Variants in CHL1 observed in about 807,000 individuals in gnomAD.
CHL1 encodes the protein cell adhesion molecule L1 like.
Under a neutral mutation model 141.9 loss-of-function variants are expected in CHL1, and 96 were observed. The observed-to-expected ratio is 0.68, with a 90% CI of 0.57 to 0.80. The LOEUF (loss-of-function observed/expected upper bound fraction) is 0.80, where lower values mean the gene tolerates loss of function less well. CHL1 is among the 30% of genes least tolerant of loss of function. CHL1 has a pLI of 0.00. For missense variants in CHL1, 1,820 were observed against 1,457.2 expected (o/e 1.25, Z -4.05); for synonymous variants, 613 against 502.2 (o/e 1.22, Z -2.95).
rs1022860791 is a variant in CHL1, at chr3:341,898, A to G, written c.509-14A>G. 1 of 1,565,956 alleles carries G rather than the reference A, an allele frequency of 6.4e-7. No individual in the cohort carries two copies. Among genetic ancestry groups the G allele is most frequent in the Admixed American group, 1.7e-5 (1 of 57,596 alleles). On this transcript the variant is annotated splice_polypyrimidine_tract_variant and intron_variant, in intron 6 of 27. Coordinates refer to ENST00000256509, the MANE Select transcript of CHL1 (RefSeq NM_006614.4). ...GACAATTGCCCTTTTCAATGGCAAG[A>G]TATCTCTTTTCAGAATTAGAACACA...
intron 2 of CHL1, among the ~76,000 whole-genome samples, chr3:274,157 C>T (rs971860147): frequency 2.0e-5 from 3 of 152,090 alleles, no homozygotes; most frequent in Non-Finnish European, 4.4e-5. Flanking sequence ...ACATTTTTTT[C>T]CCTCCTTGAC....
chr3:336,415 G>A (rs1701867944), intron 5 of CHL1, among the ~76,000 whole-genome samples: 1 of 152,144 alleles, frequency 6.6e-6, no homozygotes, highest in Admixed American at 6.5e-5. Flanking sequence ...ATTGTATTTA[G>A]TTAAATTTCC....
chr3:322,669 T>TATA (rs1423039311), intron 3 of CHL1, among the ~76,000 whole-genome samples: 1 of 132,210 alleles, frequency 7.6e-6, no homozygotes, highest in Non-Finnish European at 1.6e-5. Context: ...TATATATATA[T>TATA]AATTATATAT....
At chr3:215,164 TAA>T (rs140688468) in intron 1 of CHL1, among the ~76,000 whole-genome samples, 10,834 of 152,234 alleles carry the variant, frequency 0.071, 444 homozygotes, top group Middle Eastern at 0.18. Context: ...AGAATCAACC[TAA>T]GTGTCCATCA....
At chr3:210,500 T>C (rs1403731581) in intron 1 of CHL1, among the ~76,000 whole-genome samples, 3 of 152,142 alleles carry the variant, frequency 2.0e-5, no homozygotes, top group South Asian at 4.1e-4. Context: ...CCTCTTTCTG[T>C]CCAAGTAGTC....
rs571211081 is a variant in CHL1 at position 259,338 on chromosome 3, G to A, written c.-95+14646G>A. Among the ~76,000 whole-genome samples, 208 of 151,948 alleles carry A rather than the reference G, an allele frequency of 1.4e-3. 1 individual carries two copies. The highest frequency in any genetic ancestry group is 4.7e-3 in the African/African-American group (193 of 41,420). ...TGTGTGCATGCGTGTGTGTGTGTGT[G>A]ATATAGTGGGGGTGGGGCAGGAGAT... On this transcript the variant is annotated intron_variant, in intron 2 of 27. Transcript: ENST00000256509.
At chr3:264,007 A>G (rs1694958832) in intron 2 of CHL1, among the ~76,000 whole-genome samples, 1 of 152,348 alleles carries the variant, frequency 6.6e-6, no homozygotes, top group South Asian at 2.1e-4. Flanking sequence ...GGACTGCACT[A>G]TCACAGTCTT....
chr3:293,493 AC>A (rs1383334925), intron 2 of CHL1, among the ~76,000 whole-genome samples: 1 of 152,146 alleles, frequency 6.6e-6, no homozygotes, highest in Non-Finnish European at 1.5e-5. Context: ...CCACAGAGTG[AC>A]ACTCCATCAA....
chr3:362,140 G>A (rs1409105586), intron 13 of CHL1, among the ~76,000 whole-genome samples: 2 of 152,118 alleles, frequency 1.3e-5, no homozygotes, highest in Non-Finnish European at 2.9e-5. Flanking sequence ...TTACTCTATT[G>A]TTGTTGTTTT....
At chr3:220,577 A>G (rs1700745178) in intron 1 of CHL1, among the ~76,000 whole-genome samples, 1 of 152,168 alleles carries the variant, frequency 6.6e-6, no homozygotes, top group Non-Finnish European at 1.5e-5. Flanking sequence ...CACCACAGAT[A>G]TCAAAGAAGT....
At chr3:211,105 C>T (rs569589514) in intron 1 of CHL1, among the ~76,000 whole-genome samples, 6 of 152,218 alleles carry the variant, frequency 3.9e-5, no homozygotes, top group South Asian at 4.2e-4. Flanking sequence ...AAAAGGGCCA[C>T]GGTGAACCCC....
At chr3:390,874 A>C in intron 21 of CHL1, 58 bp downstream of exon 21, 2 of 1,509,494 alleles carry the variant, frequency 1.3e-6, no homozygotes, top group Non-Finnish European at 1.8e-6. Context: ...CCTGAGAATA[A>C]AGAAGAATTG....
chr3:302,100 G>C (rs1698801786), intron 2 of CHL1, among the ~76,000 whole-genome samples: 1 of 152,176 alleles, frequency 6.6e-6, no homozygotes, highest in South Asian at 2.1e-4. Flanking sequence ...TGGTTGCATA[G>C]TATTCCATGG....
intron 1 of CHL1, among the ~76,000 whole-genome samples, chr3:215,198 G>A (rs888744663): frequency 6.6e-6 from 1 of 152,034 alleles, no homozygotes; most frequent in African/African-American, 2.4e-5. Context: ...AAGAAAATGT[G>A]GTGTATATAT....
At chr3:201,048 A>T (rs1295914343) in intron 1 of CHL1, among the ~76,000 whole-genome samples, 1 of 152,212 alleles carries the variant, frequency 6.6e-6, no homozygotes, top group Non-Finnish European at 1.5e-5. Context: ...ATCTTCTGAG[A>T]ATAAAAGTGT....
At chr3:402,990 T>C (rs551935782) in intron 27 of CHL1, among the ~76,000 whole-genome samples, 1 of 152,228 alleles carries the variant, frequency 6.6e-6, no homozygotes, top group African/African-American at 2.4e-5. Flanking sequence ...AGATGGGTAC[T>C]TCTGGCTCAG....
intron 2 of CHL1, among the ~76,000 whole-genome samples, chr3:299,084 C>T (rs2124883974): frequency 6.6e-6 from 1 of 152,266 alleles, no homozygotes; most frequent in East Asian, 1.9e-4. Context: ...AGTAACCTCC[C>T]ATGTGCCAGA....
intron 14 of CHL1, 25 bp downstream of exon 14, chr3:363,408 GCATGAATTGTCA>G (rs1559312402): frequency 6.3e-7 from 1 of 1,592,868 alleles, no homozygotes; most frequent in South Asian, 1.1e-5. Context: ...CTGTTACTTT[GCATGAATTGTCA>G]CATGGGTTCA....
chr3:289,508 T>C (rs975535409), intron 2 of CHL1, among the ~76,000 whole-genome samples: 4 of 152,194 alleles, frequency 2.6e-5, no homozygotes, highest in Non-Finnish European at 5.9e-5. Flanking sequence ...ATGGTAGTTA[T>C]CTTCTATAAA....
Sources: gnomAD v4.1 joint callset for allele counts (sites outside exome capture counted in the v4.1 genomes callset) on GRCh38, gnomAD v4.1.1 for gene constraint, MANE v1.5 for transcripts, NCBI Gene and HGNC (gene_info 2026-07-23, HGNC 2026-07-21) for gene names.